Variants in TRIM6 observed in about 807,000 individuals in gnomAD.
The protein encoded by TRIM6 is tripartite motif containing 6, also known as tripartite motif-containing protein 6.
In TRIM6, 43 loss-of-function variants were observed where a neutral mutation model predicts 51.2. The ratio of observed to expected loss-of-function variants is 0.84; its 90% CI spans 0.66 to 1.08. TRIM6 has a LOEUF of 1.08. Ranked by LOEUF, TRIM6 falls within the 50% of genes least tolerant of loss-of-function variation. TRIM6 has a pLI of 0.00. For synonymous variants in TRIM6, 215 were observed against 232.4 expected (o/e 0.93, Z 0.68); for missense variants, 669 against 619.0 (o/e 1.08, Z -0.86).
intron 5 of TRIM6, 37 bp from the exon 6 acceptor site, chr11:5,610,108 C>A: frequency 6.2e-7 from 1 of 1,604,448 alleles, no homozygotes; most frequent in Non-Finnish European, 8.5e-7. Context: ...AACCCACAGT[C>A]AGCAGTGTGG....
intron 1 of TRIM6, among the ~76,000 whole-genome samples, chr11:5,601,152 T>A (rs1465526651): frequency 6.6e-6 from 1 of 152,172 alleles, no homozygotes; most frequent in African/African-American, 2.4e-5. Flanking sequence ...CATCATCAAA[T>A]AGGATCTCTC....
chr11:5,605,399 A>G lies in TRIM6; in HGVS notation c.666A>G (p.Leu222=). 6.2e-7 allele frequency: 1 copy of G among 1,614,166 alleles called. No homozygotes were observed. The highest frequency in any genetic ancestry group is 1.1e-5 in the South Asian group (1 of 91,076). ...QTEFNQLRNI[L]DRVEQRELKK... is the part of the protein sequence containing the mutation. ...AGTTTAATCAGCTGCGAAATATCCT[A>G]GACAGAGTGGAGCAACGGGAGCTGA... The change falls in exon 4 of 8, where the codon CTA becomes CTG. Residue 222 remains leucine, a synonymous_variant. Coordinates refer to ENST00000380097, the MANE Select transcript of TRIM6 (RefSeq NM_001003818.3).
Position 5,603,259 on chromosome 11 carries a change from G to A in TRIM6, c.31G>A (p.Gly11Arg), listed in dbSNP as rs1847977784. ...TCATCTACCTAGGATTCTACAGGCAGGAAACATCTTAGAAATCAGGGTTGG... is the reference window on the plus strand; with the variant it reads ...TCATCTACCTAGGATTCTACAGGCAAGAAACATCTTAGAAATCAGGGTTGG... Reference protein sequence around the residue: MCGSERILQAGNILEIRVGQA... With the variant: MCGSERILQARNILEIRVGQA... The change falls in exon 2 of 8, where the codon GGA (glycine) becomes AGA (arginine). Residue 11 changes from glycine to arginine, a missense_variant. Gly to Arg is a moderately radical substitution (Grantham distance 125). Transcript: ENST00000380097. 6.2e-6 allele frequency: 10 copies of A among 1,613,718 alleles called. No homozygotes were observed. The highest frequency in any genetic ancestry group is 8.5e-6 in the Non-Finnish European group (10 of 1,179,736).
rs1848007545 is a variant in TRIM6 at position 5,603,612 on chromosome 11, T to C, written c.384T>C (p.His128=). The change falls in exon 2 of 8, where the codon CAT becomes CAC. Residue 128 remains histidine, a synonymous_variant. Coordinates refer to ENST00000380097, the MANE Select transcript of TRIM6 (RefSeq NM_001003818.3). ...TGAAAGCAGTTCTTTGTGCAGACCA[T>C]GGAGAAAAACTGCAGCTCTTCTGTC... is the stretch of plus-strand genomic sequence containing the variant. ...KQLKAVLCAD[H]GEKLQLFCQE... is the part of the protein sequence containing the mutation. 1.2e-6 allele frequency: 2 copies of C among 1,613,544 alleles called. No individual in the cohort carries two copies. The highest frequency in any genetic ancestry group is 1.7e-6 in the Non-Finnish European group (2 of 1,179,944).
intron 3 of TRIM6, 78 bp from the exon 4 acceptor site, chr11:5,605,259 C>T: frequency 1.3e-6 from 2 of 1,599,906 alleles, no homozygotes; most frequent in Admixed American, 1.7e-5. Context: ...CAGTCCTGAG[C>T]CCAACTTCCC....
intron 5 of TRIM6, 48 bp from the exon 6 acceptor site, chr11:5,610,097 G>A: frequency 6.2e-7 from 1 of 1,604,484 alleles, no homozygotes; most frequent in Non-Finnish European, 8.5e-7. Context: ...GGTGGTGGAG[G>A]AACCCACAGT....
At chr11:5,596,537 C>CT (rs1431682550), upstream of TRIM6, 8 of 13,972 alleles carry the variant, frequency 5.7e-4, no homozygotes, top group East Asian at 3.3e-3. Flanking sequence ...CTTCCCCCTT[C>CT]CCCCTTCCCC....
At chr11:5,601,178 GA>G (rs1847821058) in intron 1 of TRIM6, among the ~76,000 whole-genome samples, 1 of 152,056 alleles carries the variant, frequency 6.6e-6, no homozygotes, top group Non-Finnish European at 1.5e-5. Context: ...TCCATACTTC[GA>G]AAGCACTTGG....
intron 4 of TRIM6, among the ~76,000 whole-genome samples, chr11:5,607,094 C>T (rs2133851272): frequency 6.6e-6 from 1 of 152,154 alleles, no homozygotes; most frequent in East Asian, 1.9e-4. Flanking sequence ...GTCCCAGCTA[C>T]TCGGGAGGCT....
rs1369959046 is a variant in TRIM6 at position 5,605,552 on chromosome 11, A to G, written c.819A>G (p.Thr273=). 3 of 1,613,186 alleles carry G rather than the reference A, an allele frequency of 1.9e-6. No homozygotes were observed. The East Asian group carries it at 6.7e-5, about 36-fold the overall frequency. The change falls in exon 4 of 8, where the codon ACA becomes ACG. Residue 273 remains threonine (T), a synonymous_variant. Transcript: ENST00000380097. ...SDLERRCQGS[T]MELLQDVSDV... ...TGGAGCGTCGATGTCAGGGGTCAAC[A>G]ATGGAGCTGCTGCAGGTAAGGCTTG...
chr11:5,601,676 T>G (rs1208301524), intron 1 of TRIM6, among the ~76,000 whole-genome samples: 1 of 152,180 alleles, frequency 6.6e-6, no homozygotes, highest in Admixed American at 6.5e-5. Context: ...GAGAATCGCT[T>G]GAACCCGGGA....
In TRIM6 at chr11:5,603,265, A is replaced by G. The variant is rs143341598; in HGVS notation, c.37A>G (p.Ile13Val). 2.5e-5 allele frequency: 40 copies of G among 1,613,768 alleles called. No homozygotes were observed. The African/African-American group carries it at 4.9e-4, about 20-fold the overall frequency. Residue 13 changes from isoleucine (I) to valine (V), a missense_variant, in exon 2 of 8, where the codon ATC becomes GTC. Transcript: ENST00000380097. The stretch of plus-strand genomic sequence containing the variant: ...ACCTAGGATTCTACAGGCAGGAAAC[A>G]TCTTAGAAATCAGGGTTGGGCAGGC... The part of the protein sequence containing the change: ...GSERILQAGN[I>V]LEIRVGQAGA...
chr11:5,596,867 A>G lies in TRIM6; in HGVS notation c.-31A>G, dbSNP rs1271745657. On this transcript the variant is annotated 5_prime_UTR_variant, in exon 1 of 8. Transcript: ENST00000380097. ...GCTTTGACCACCTGATATTGCTTACATCTGGAACTTCTTGGCTTCTCATTC... is the reference window on the plus strand; with the variant it reads ...GCTTTGACCACCTGATATTGCTTACGTCTGGAACTTCTTGGCTTCTCATTC... 1.9e-6 allele frequency: 3 copies of G among 1,613,912 alleles called. No homozygotes were observed. The highest frequency in any genetic ancestry group is 2.2e-5 in the East Asian group (1 of 44,842).
chr11:5,606,975 A>G lies in TRIM6; in HGVS notation c.835-1397A>G, dbSNP rs542311860. Among the ~76,000 whole-genome samples the G allele has an allele frequency of 1.4e-3, 218 of 152,170 alleles. 6 individuals are homozygous for G. In the South Asian group the frequency reaches 0.04, roughly 28 times the overall value. The stretch of plus-strand genomic sequence containing the variant: ...TCCCAGCACTTTGGGAGGCCGAGGC[A>G]GGCGGATCATGAGGTCAGGAGATTG... On this transcript the variant is annotated intron_variant, in intron 4 of 7. Transcript: ENST00000380097.
intron 5 of TRIM6, 111 bp downstream of exon 5, chr11:5,608,505 A>C: frequency 6.7e-7 from 1 of 1,495,774 alleles, no homozygotes; most frequent in Non-Finnish European, 9.1e-7. Flanking sequence ...TCAAGAGAGT[A>C]GTCTTGAATC....
rs1848576167 is a variant in TRIM6 at position 5,611,504 on chromosome 11, A to G, written c.*162A>G. On this transcript the variant is annotated 3_prime_UTR_variant, in exon 8 of 8. Transcript: ENST00000380097. ...AATCTCGCTCTGTCGCCCAGGCTGG[A>G]GTGCACTGGCGCAATCTCGGCTCAC... 3.0e-6 allele frequency: 2 copies of G among 668,706 alleles called. No individual in the cohort carries two copies. The highest frequency in any genetic ancestry group is 5.0e-6 in the Non-Finnish European group (2 of 399,418). 41.4% of individuals were successfully genotyped at this position (668,706 alleles called of 1,614,324 possible). A position where few individuals can be genotyped will look rare whatever the true frequency, so the allele number is the denominator to read the frequency against.
At position 5,599,990 on chromosome 11, in the gene TRIM6, A is replaced by G. The variant is rs1847737773; in HGVS notation, c.17+3076A>G. ...TGAGATGATGTGGGTATGGTAGGAG[A>G]TATTAACAAAGGAAATAATAGTGCA... On this transcript the variant is annotated intron_variant, in intron 1 of 7. Transcript: ENST00000380097. 2.0e-5 allele frequency among the ~76,000 whole-genome samples: 3 copies of G among 152,172 alleles called. 1 individual carries two copies. In the South Asian group the frequency reaches 6.2e-4, roughly 31 times the overall value.
intron 1 of TRIM6, among the ~76,000 whole-genome samples, chr11:5,598,856 T>A (rs987623705): frequency 1.3e-5 from 2 of 152,180 alleles, no homozygotes; most frequent in Non-Finnish European, 2.9e-5. Flanking sequence ...TTCTGTGAAT[T>A]TTCACAGTTG....
At chr11:5,596,984 A>T in intron 1 of TRIM6, 70 bp downstream of exon 1, 1 of 1,611,112 alleles carries the variant, frequency 6.2e-7, no homozygotes, top group Non-Finnish European at 8.5e-7. Flanking sequence ...AGTGAAAGAG[A>T]TAAGGTCCTT....
Sources: allele counts gnomAD v4.1 joint callset (sites outside exome capture counted in the v4.1 genomes callset), GRCh38; gene constraint gnomAD v4.1.1; transcripts MANE v1.5; gene names NCBI Gene and HGNC (gene_info 2026-07-23, HGNC 2026-07-21).